The following ZNF365 variants were observed in gnomAD, a reference collection of about 807,000 sequenced individuals.
ZNF365 encodes the protein protein ZNF365.
A neutral mutation model predicts 35.0 loss-of-function variants in ZNF365; 22 were observed. That is an observed-to-expected ratio of 0.63 (90% CI 0.45 to 0.90). The LOEUF is 0.90. Among genes scored for constraint, ZNF365 ranks in the 40% least tolerant of loss-of-function variants. ZNF365 has a pLI of 0.00. For missense variants in ZNF365, 448 were observed against 500.3 expected, an observed-to-expected ratio of 0.90 and a Z score of 1.00; for synonymous variants, 188 against 196.2, an observed-to-expected ratio of 0.96 and a Z score of 0.35.
At position 62,450,216 on chromosome 10, in the gene ZNF365, A is replaced by C. The variant is rs868744152; in HGVS notation, c.925-9525A>C. ...CAGTTTCTTGGTATTACGTATAAGC[A>C]GGTAATTTGTAACAACGATAGCTAA... On this transcript the variant is annotated intron_variant, in intron 3 of 4. Coordinates refer to the ZNF365 transcript ENST00000395255. 2.0e-5 allele frequency among the ~76,000 whole-genome samples: 3 copies of C among 152,232 alleles called. No homozygotes were observed. The South Asian group carries it at 6.2e-4, about 32-fold the overall frequency.
At chr10:62,447,818 T>A (rs1278629993) in intron 3 of ZNF365, among the ~76,000 whole-genome samples, 1 of 152,156 alleles carries the variant, frequency 6.6e-6, no homozygotes, top group Non-Finnish European at 1.5e-5. Context: ...GGTGGATGGT[T>A]TCATGGCAGG....
chr10:62,479,775 C>A, intron 4 of ZNF365: 2 of 814,186 alleles, frequency 2.5e-6, no homozygotes, highest in Admixed American at 1.9e-5. Flanking sequence ...CAATTGTTTG[C>A]CAGGACCCAT....
At chr10:62,399,459 T>G in intron 4 of ZNF365, 69 bp from the exon 5 acceptor site, 1 of 1,572,034 alleles carries the variant, frequency 6.4e-7, no homozygotes, top group Admixed American at 1.8e-5. Context: ...GTAATTATTC[T>G]TTTAAGGTTT....
chr10:62,443,952 T>C (rs1840543693), intron 3 of ZNF365, among the ~76,000 whole-genome samples: 1 of 152,196 alleles, frequency 6.6e-6, no homozygotes, highest in Non-Finnish European at 1.5e-5. Flanking sequence ...ACAGCTTGAC[T>C]GTGAGGAAAG....
At chr10:62,380,203 T>C (rs1053623317) in intron 2 of ZNF365, among the ~76,000 whole-genome samples, 5 of 152,226 alleles carry the variant, frequency 3.3e-5, no homozygotes, top group African/African-American at 1.2e-4. Flanking sequence ...TACACTTGAC[T>C]CTTGAATGAC....
intron 3 of ZNF365, among the ~76,000 whole-genome samples, chr10:62,425,301 A>G (rs1293230883): frequency 1.3e-5 from 2 of 152,212 alleles, no homozygotes; most frequent in Non-Finnish European, 2.9e-5. Flanking sequence ...ATACTTCTGT[A>G]TAGCAATTAT....
chr10:62,427,701 T>G (rs1349109225), intron 3 of ZNF365, among the ~76,000 whole-genome samples: 1 of 152,174 alleles, frequency 6.6e-6, no homozygotes, highest in Non-Finnish European at 1.5e-5. Flanking sequence ...TGGAGGAATG[T>G]TGGCCTGCTA....
chr10:62,459,840 T>A lies in ZNF365; in HGVS notation c.981+43T>A, dbSNP rs551121718. On this transcript the variant is annotated intron_variant, in intron 4 of 4. Transcript: ENST00000395255. Reference sequence around the variant, plus strand: ...GTGGGTGGGTTGGGCCTGGTTACAATAACCAGCAGCCCATCTGGGTCCATA... The same window carrying A: ...GTGGGTGGGTTGGGCCTGGTTACAAAAACCAGCAGCCCATCTGGGTCCATA... 4.5e-6 allele frequency: 7 copies of A among 1,565,260 alleles called. No homozygotes were observed. The East Asian group carries it at 1.4e-4, about 31-fold the overall frequency.
Position 62,459,140 on chromosome 10 carries a change from A to G in ZNF365, c.925-601A>G, listed in dbSNP as rs1299228072. 2.6e-5 allele frequency among the ~76,000 whole-genome samples: 4 copies of G among 152,220 alleles called. No individual in the cohort carries two copies. In the East Asian group the frequency reaches 7.7e-4, roughly 29 times the overall value. On this transcript the variant is annotated intron_variant, in intron 3 of 4. Coordinates refer to the ZNF365 transcript ENST00000395255. ...GTTCTACTGAGGATGGCTAAAACAC[A>G]CATAGATGGAGGGAGAGCTTCTGCC...
At chr10:62,403,321 G>A (rs1839859098), downstream of ZNF365, among the ~76,000 whole-genome samples, 1 of 152,186 alleles carries the variant, frequency 6.6e-6, no homozygotes, top group East Asian at 1.9e-4. Flanking sequence ...AAGAGGAGGA[G>A]GAAGGGTTTG....
intron 3 of ZNF365, among the ~76,000 whole-genome samples, chr10:62,442,423 A>G (rs1170648715): frequency 1.3e-5 from 2 of 152,210 alleles, no homozygotes; most frequent in Non-Finnish European, 2.9e-5. Flanking sequence ...ACATTCTTTA[A>G]TTAACTGTAT....
At chr10:62,475,115 C>G (rs554799811) in intron 4 of ZNF365, among the ~76,000 whole-genome samples, 1 of 152,332 alleles carries the variant, frequency 6.6e-6, no homozygotes, top group East Asian at 1.9e-4. Flanking sequence ...CATGGCCTTT[C>G]TTCAGGCCAC....
intron 3 of ZNF365, among the ~76,000 whole-genome samples, chr10:62,439,952 TG>T (rs1840469144): frequency 6.6e-6 from 1 of 152,196 alleles, no homozygotes; most frequent in African/African-American, 2.4e-5. Flanking sequence ...TAAATAAACA[TG>T]TGCAATCTGC....
chr10:62,465,233 G>A lies in ZNF365; in HGVS notation c.981+5436G>A, dbSNP rs145589570. ...TCAGGTTGCACATGCTTGGAGCAGC[G>A]CTGACACACCAGTCGCCTCTCCAAC... On this transcript the variant is annotated intron_variant, in intron 4 of 4. Transcript: ENST00000395255. Among the ~76,000 whole-genome samples, 312 of 152,308 alleles carry A rather than the reference G, an allele frequency of 2.0e-3. 1 individual carries two copies. Among genetic ancestry groups the A allele is most frequent in the Non-Finnish European group, 1.5e-3 (101 of 68,006 alleles).
At chr10:62,459,183 A>G (rs985433835) in intron 3 of ZNF365, among the ~76,000 whole-genome samples, 1 of 152,230 alleles carries the variant, frequency 6.6e-6, no homozygotes, top group African/African-American at 2.4e-5. Flanking sequence ...CTTCAAATTG[A>G]AAAGATGCAC....
At chr10:62,427,433 C>T (rs1189233841) in intron 3 of ZNF365, among the ~76,000 whole-genome samples, 1 of 152,132 alleles carries the variant, frequency 6.6e-6, no homozygotes, top group Non-Finnish European at 1.5e-5. Flanking sequence ...CAGGCTATGC[C>T]AGCTAGGTGT....
At chr10:62,469,074 A>C (rs1221404732) in intron 4 of ZNF365, among the ~76,000 whole-genome samples, 1 of 152,242 alleles carries the variant, frequency 6.6e-6, no homozygotes, top group East Asian at 1.9e-4. Context: ...AAAGTGGACC[A>C]GTCAAGAGCA....
At position 62,401,919 on chromosome 10, in the gene ZNF365, TG is replaced by T. The variant is rs754556590; in HGVS notation, c.*2131del. 3.5e-4 allele frequency: 344 copies of T among 985,284 alleles called. No homozygotes were observed. The highest frequency in any genetic ancestry group is 3.9e-4 in the Non-Finnish European group (321 of 829,764). 61.0% of individuals were successfully genotyped at this position (985,284 alleles called of 1,614,324 possible). On this transcript the variant is annotated 3_prime_UTR_variant, in exon 5 of 5. Transcript: ENST00000395254. ...TTGAGATTTGTTTATTATATTAAAA[TG>T]TTTTTTTACGTTCCCACTAAATTTT...
intron 3 of ZNF365, among the ~76,000 whole-genome samples, chr10:62,391,897 A>T (rs766642053): frequency 6.6e-6 from 1 of 152,198 alleles, no homozygotes; most frequent in Non-Finnish European, 1.5e-5. Context: ...CCTTTTCGCC[A>T]CATCTCTGCC....
Sources: allele counts gnomAD v4.1 joint callset (sites outside exome capture counted in the v4.1 genomes callset), GRCh38; gene constraint gnomAD v4.1.1; transcripts MANE v1.5; gene names NCBI Gene and HGNC (gene_info 2026-07-23, HGNC 2026-07-21).